The following ADAMTSL1 variants were observed in gnomAD, a reference collection of about 807,000 sequenced individuals.
ADAMTSL1 encodes the protein ADAMTS like 1.
ADAMTSL1 carries 126 observed loss-of-function variants against 201.8 expected under a neutral mutation model. That is an observed-to-expected ratio of 0.62 (90% CI 0.54 to 0.72). The LOEUF is 0.72. Among genes scored for constraint, ADAMTSL1 ranks in the 30% least tolerant of loss-of-function variants. ADAMTSL1 has a pLI of 0.00. For synonymous variants in ADAMTSL1, 1,121 were observed against 903.4 expected, an observed-to-expected ratio of 1.24 and a Z score of -4.32; for missense variants, 2,679 against 2,277.8, an observed-to-expected ratio of 1.18 and a Z score of -3.59.
chr9:18,547,523 C>T (rs368132063), intron 3 of ADAMTSL1, among the ~76,000 whole-genome samples: 2 of 150,448 alleles, frequency 1.3e-5, no homozygotes, highest in African/African-American at 2.5e-5. Context: ...TGGTAGGATA[C>T]CAGGGTTGAA....
chr9:18,850,968 G>A (rs1423286562), intron 23 of ADAMTSL1, among the ~76,000 whole-genome samples: 1 of 152,176 alleles, frequency 6.6e-6, no homozygotes, highest in Non-Finnish European at 1.5e-5. Context: ...TTTAGTGCTT[G>A]CTACAAAGTA....
At chr9:18,651,786 T>C (rs1414041669) in intron 7 of ADAMTSL1, among the ~76,000 whole-genome samples, 2 of 152,146 alleles carry the variant, frequency 1.3e-5, no homozygotes, top group African/African-American at 2.4e-5. Context: ...CTAGATAGCC[T>C]TGAACATAAC....
chr9:17,925,893 C>T (rs1489078980), intron 1 of ADAMTSL1, among the ~76,000 whole-genome samples: 7 of 151,744 alleles, frequency 4.6e-5, no homozygotes, highest in Non-Finnish European at 8.8e-5. Flanking sequence ...CATCCAGCAA[C>T]CTGACACTTG....
At position 18,474,156 on chromosome 9, in the gene ADAMTSL1, A is replaced by G; in HGVS notation, c.-77A>G. On this transcript the variant is annotated 5_prime_UTR_variant, in exon 1 of 29. Coordinates refer to ENST00000380548, the MANE Select transcript of ADAMTSL1 (RefSeq NM_001040272.6). Reference sequence around the variant, plus strand: ...GCAGGACTGGAGTGTTAGCACCAGTACTGGATGTGACAGCAGGCAGAGGAG... The same window carrying G: ...GCAGGACTGGAGTGTTAGCACCAGTGCTGGATGTGACAGCAGGCAGAGGAG... The G allele has an allele frequency of 7.5e-7, 1 of 1,339,136 alleles. No homozygotes were observed. The highest frequency in any genetic ancestry group is 1.1e-6 in the Non-Finnish European group (1 of 934,836). The allele number at this position is 1,339,136 out of a possible 1,614,324, so 83.0% of individuals were successfully genotyped here.
chr9:18,099,060 A>G (rs980628734), intron 1 of ADAMTSL1, among the ~76,000 whole-genome samples: 3 of 150,026 alleles, frequency 2.0e-5, no homozygotes, highest in Non-Finnish European at 4.4e-5. Flanking sequence ...CATCCTATCT[A>G]GAAGAAGTCC....
intron 10 of ADAMTSL1, among the ~76,000 whole-genome samples, chr9:18,679,372 C>A (rs1022067418): frequency 1.3e-5 from 2 of 152,068 alleles, no homozygotes; most frequent in African/African-American, 4.8e-5. Context: ...TCAACTCAGT[C>A]CCAATGTTTC....
In ADAMTSL1 at chr9:18,503,125, G is replaced by C. The variant is rs1281051690; in HGVS notation, c.64-1704G>C. Among the ~76,000 whole-genome samples, 5 of 151,406 alleles carry C rather than the reference G, an allele frequency of 3.3e-5. No individual in the cohort carries two copies. In the East Asian group the frequency reaches 9.7e-4, roughly 29 times the overall value. On this transcript the variant is annotated intron_variant, in intron 1 of 28. Coordinates refer to ENST00000380548, the MANE Select transcript of ADAMTSL1 (RefSeq NM_001040272.6). ...ACATTAAATACATTCACATTGTTTTGCAATCATCACTACCATCCATCTCCA... is the reference window on the plus strand; with the variant it reads ...ACATTAAATACATTCACATTGTTTTCCAATCATCACTACCATCCATCTCCA...
chr9:18,416,590 GCTAA>G (rs1818686831), intron 2 of ADAMTSL1, among the ~76,000 whole-genome samples: 1 of 151,946 alleles, frequency 6.6e-6, no homozygotes, highest in African/African-American at 2.4e-5. Flanking sequence ...GATATACCAT[GCTAA>G]CTAACATTTA....
At chr9:18,596,102 A>G (rs1379353359) in intron 4 of ADAMTSL1, among the ~76,000 whole-genome samples, 1 of 152,180 alleles carries the variant, frequency 6.6e-6, no homozygotes, top group Non-Finnish European at 1.5e-5. Flanking sequence ...GGAATTTGAA[A>G]TTTTGTAGTT....
At chr9:18,549,368 C>T (rs116728609) in intron 3 of ADAMTSL1, among the ~76,000 whole-genome samples, 2,212 of 152,050 alleles carry the variant, frequency 0.015, 50 homozygotes, top group African/African-American at 0.051. Context: ...TTTGTACTCT[C>T]AACTTTCAGT....
At chr9:18,810,982 A>C (rs1248855638) in intron 20 of ADAMTSL1, among the ~76,000 whole-genome samples, 2 of 141,012 alleles carry the variant, frequency 1.4e-5, no homozygotes, top group Non-Finnish European at 3.0e-5. Flanking sequence ...GAGTTCAAGA[A>C]GCTGGCTACT....
chr9:18,860,591 A>C (rs978206867), intron 23 of ADAMTSL1, among the ~76,000 whole-genome samples: 2 of 152,134 alleles, frequency 1.3e-5, no homozygotes, highest in Admixed American at 6.5e-5. Context: ...GTTTTTAATA[A>C]TTTTTTGACA....
At chr9:18,137,014 GA>G (rs1289331916) in intron 1 of ADAMTSL1, among the ~76,000 whole-genome samples, 1 of 152,126 alleles carries the variant, frequency 6.6e-6, no homozygotes, top group Non-Finnish European at 1.5e-5. Flanking sequence ...GAAGGGAAGG[GA>G]AAGAGTTGAA....
rs150258390 is a variant in ADAMTSL1 at position 18,183,068 on chromosome 9, T to C, written c.207+19087T>C. Among the ~76,000 whole-genome samples the C allele has an allele frequency of 2.2e-3, 329 of 152,308 alleles. 2 individuals carry two copies. Among genetic ancestry groups the C allele is most frequent in the African/African-American group, 7.0e-3 (291 of 41,572 alleles). The stretch of plus-strand genomic sequence containing the variant: ...GCCTGCCAGGTAATCAGACTTTCTC[T>C]TTCTGCCAAAAGTGTCCTCCCCAAC... On this transcript the variant is annotated intron_variant, in intron 2 of 29. Coordinates refer to the ADAMTSL1 transcript ENST00000680146.
At chr9:18,749,716 G>T (rs970622376) in intron 15 of ADAMTSL1, among the ~76,000 whole-genome samples, 1 of 152,232 alleles carries the variant, frequency 6.6e-6, no homozygotes, top group Non-Finnish European at 1.5e-5. Context: ...GAGAAGTAGG[G>T]AAGAGTCTCT....
At position 18,137,871 on chromosome 9, in the gene ADAMTSL1, A is replaced by T. The variant is rs1826224891; in HGVS notation, c.88-25991A>T. 2.6e-5 allele frequency among the ~76,000 whole-genome samples: 4 copies of T among 152,164 alleles called. No homozygotes were observed. The South Asian group carries it at 8.3e-4, about 32-fold the overall frequency. On this transcript the variant is annotated intron_variant, in intron 1 of 29. Transcript: ENST00000680146. ...TTTTTCCAAGTGTGGCAAGAGAAAC[A>T]TTCAAAAGAGAGGCATCTTTGACCT...
intron 21 of ADAMTSL1, among the ~76,000 whole-genome samples, chr9:18,824,557 GCCATTAAGGGCAAACTGCCCTTGCC>G (rs930632377): frequency 1.3e-5 from 2 of 152,128 alleles, no homozygotes; most frequent in Admixed American, 1.3e-4. Flanking sequence ...CAGAAGGCTA[GCCATTAAGGGCAAACTGCCCTTGCC>G]CCAAAGGCAA....
At chr9:18,823,271 G>T (rs1337679036) in intron 21 of ADAMTSL1, among the ~76,000 whole-genome samples, 2 of 152,150 alleles carry the variant, frequency 1.3e-5, no homozygotes, top group Non-Finnish European at 2.9e-5. Context: ...CAGGTCCATG[G>T]TTCCAGGTTT....
At chr9:18,392,732 T>C (rs1247932591) in intron 2 of ADAMTSL1, among the ~76,000 whole-genome samples, 2 of 152,228 alleles carry the variant, frequency 1.3e-5, no homozygotes, top group Non-Finnish European at 2.9e-5. Flanking sequence ...TTTTCACATT[T>C]GTAAACTTCA....
Sources: allele counts gnomAD v4.1 joint callset (sites outside exome capture counted in the v4.1 genomes callset), GRCh38; gene constraint gnomAD v4.1.1; transcripts MANE v1.5; gene names NCBI Gene and HGNC (gene_info 2026-07-23, HGNC 2026-07-21).